The following ZNF195 variants were observed in gnomAD, a reference collection of about 807,000 sequenced individuals.
The protein encoded by ZNF195 is hypoxia-regulated factor-1.
In ZNF195, 11 loss-of-function variants were observed where a neutral mutation model predicts 19.5. The ratio of observed to expected loss-of-function variants is 0.57; its 90% confidence interval spans 0.36 to 0.94. ZNF195 has a LOEUF of 0.94. Among genes scored for constraint, ZNF195 ranks in the 40% least tolerant of loss-of-function variants. The pLI, the probability that ZNF195 is intolerant of heterozygous loss-of-function variation, is 0.01. For synonymous variants in ZNF195, 214 were observed against 248.1 expected (o/e 0.86, Z 1.29); for missense variants, 582 against 709.0 (o/e 0.82, Z 2.03).
Position 3,358,399 on chromosome 11 carries a change from G to C in ZNF195, c.*719C>G, listed in dbSNP as rs1230411559. ...CAACCACAAAGAGCCTCTCTACCAA[G>C]ATTTTACTCACGCATCTTACATTTC... On this transcript the variant is annotated 3_prime_UTR_variant, in exon 6 of 6. Coordinates refer to ENST00000399602, the MANE Select transcript of ZNF195 (RefSeq NM_001130520.3). 3 of 152,142 alleles carry C rather than the reference G, an allele frequency of 2.0e-5. No homozygotes were observed. Among genetic ancestry groups the C allele is most frequent in the Non-Finnish European group, 4.4e-5 (3 of 68,030 alleles). The allele number at this position is 152,142 out of a possible 1,614,324, so 9.4% of individuals were successfully genotyped here.
chr11:3,362,475 G>A (rs1848680753), intron 3 of ZNF195: 1 of 416,368 alleles, frequency 2.4e-6, no homozygotes, highest in Non-Finnish European at 4.4e-6. Context: ...CAGTAACAAA[G>A]TTGAGGGCAG....
intron 4 of ZNF195, among the ~76,000 whole-genome samples, chr11:3,361,047 C>T (rs911564956): frequency 6.6e-6 from 1 of 152,092 alleles, no homozygotes; most frequent in Non-Finnish European, 1.5e-5. Context: ...CTGCTGAGAC[C>T]GAAAGGAAAT....
chr11:3,360,130 A>C lies in ZNF195; in HGVS notation c.878T>G (p.Ile293Ser), dbSNP rs1373335357. The C allele has an allele frequency of 1.9e-6, 3 of 1,613,956 alleles. No individual in the cohort carries two copies. The African/African-American group carries it at 4.0e-5, about 22-fold the overall frequency. Residue 293 changes from isoleucine (I) to serine (S), a missense_variant, in exon 6 of 6, where the codon ATT becomes AGT. Coordinates refer to ENST00000399602, the MANE Select transcript of ZNF195 (RefSeq NM_001130520.3). ...CTTGTAAGGTTTCTCTCCAGTGTCA[A>C]TGTTCTCAGGTTCAGTAAAGTGTGA... ...QCSHFTEPEN[I>S]DTGEKPYKCQ...
intron 3 of ZNF195, chr11:3,362,542 A>G: frequency 1.7e-6 from 1 of 583,126 alleles, no homozygotes; most frequent in Admixed American, 2.8e-5. Flanking sequence ...CCAGTGTAAA[A>G]TACCTTGTTG....
chr11:3,371,730 A>G, intron 1 of ZNF195, 27 bp from the exon 2 acceptor site: 1 of 1,573,952 alleles, frequency 6.4e-7, no homozygotes, highest in Non-Finnish European at 8.6e-7. Context: ...AACAATAACA[A>G]ATACTTGATT....
intron 4 of ZNF195, 74 bp from the exon 5 acceptor site, chr11:3,360,862 A>T: frequency 7.5e-7 from 1 of 1,337,322 alleles, no homozygotes; most frequent in Non-Finnish European, 1.0e-6. Context: ...GCAGTATAGC[A>T]TCATGCCTTT....
chr11:3,371,134 G>A (rs79807062), intron 2 of ZNF195, 64 bp from the exon 3 acceptor site: 91,565 of 1,442,512 alleles, frequency 0.063, 3,062 homozygotes, highest in South Asian at 0.092. Flanking sequence ...ACCTTGTACT[G>A]TGCTTAGTAG....
intron 2 of ZNF195, 30 bp from the exon 3 acceptor site, chr11:3,371,100 C>G: frequency 1.2e-6 from 2 of 1,604,452 alleles, no homozygotes; most frequent in Non-Finnish European, 1.7e-6. Flanking sequence ...TGACATTACT[C>G]TTGCTGAAAT....
At chr11:3,366,832 A>T (rs1226319351) in intron 3 of ZNF195, 1 of 415,714 alleles carries the variant, frequency 2.4e-6, no homozygotes, top group Non-Finnish European at 4.9e-6. Context: ...CGGGAGACCG[A>T]GGCGGGTGGA....
chr11:3,373,471 A>G, intron 1 of ZNF195: 1 of 883,798 alleles, frequency 1.1e-6, no homozygotes, highest in Non-Finnish European at 1.8e-6. Flanking sequence ...AAACAAACTT[A>G]CTATGGAGAA....
At chr11:3,377,792 C>T (rs1030562244) in intron 1 of ZNF195, 2 of 1,000,598 alleles carry the variant, frequency 2.0e-6, no homozygotes, top group Admixed American at 1.1e-4. Context: ...TATCCCTGGA[C>T]AATACTGAAA....
intron 1 of ZNF195, chr11:3,377,838 T>C: frequency 1.0e-6 from 1 of 988,578 alleles, no homozygotes. Flanking sequence ...TGAGAGCAAA[T>C]CACCCTGTCA....
At chr11:3,369,699 G>A (rs1849093789) in intron 3 of ZNF195, among the ~76,000 whole-genome samples, 1 of 152,220 alleles carries the variant, frequency 6.6e-6, no homozygotes, top group Non-Finnish European at 1.5e-5. Flanking sequence ...ACTCACAGGA[G>A]CAGAGGACAA....
At chr11:3,362,591 C>A in intron 3 of ZNF195, 2 of 591,630 alleles carry the variant, frequency 3.4e-6, no homozygotes, top group South Asian at 4.1e-5. Flanking sequence ...ATGGTAACCA[C>A]AAAGAAAATA....
At chr11:3,373,617 G>A in intron 1 of ZNF195, 17 of 1,550,436 alleles carry the variant, frequency 1.1e-5, no homozygotes, top group Non-Finnish European at 1.5e-5. Context: ...CTGCTTCTCT[G>A]GGATTTCCTC....
At chr11:3,362,501 AT>A in intron 3 of ZNF195, 1 of 452,444 alleles carries the variant, frequency 2.2e-6, no homozygotes, top group Non-Finnish European at 4.0e-6. Context: ...ATAAGAAAGA[AT>A]TTTTGTATAC....
chr11:3,360,464 T>A lies in ZNF195; in HGVS notation c.544A>T (p.Asn182Tyr), dbSNP rs1564913318. The change falls in exon 6 of 6, where the codon AAT becomes TAT. Residue 182 changes from asparagine (N) to tyrosine (Y), a missense_variant. Physicochemically the swap from Asn to Tyr is moderately radical, Grantham distance 143. Transcript: ENST00000399602. ...TCCCAGTCTTTCCTTAAATATAAAT[T>A]ATCAAGGCCACAATTTCCATATCCT... ...LRGYGNCGLDNLYLRKDWESL... is the reference protein window; with the variant it reads ...LRGYGNCGLDYLYLRKDWESL... 2 of 1,611,554 alleles carry A rather than the reference T, an allele frequency of 1.2e-6. No homozygotes were observed. The highest frequency in any genetic ancestry group is 1.7e-6 in the Non-Finnish European group (2 of 1,179,814).
At chr11:3,376,604 G>C (rs7106076) in intron 1 of ZNF195, among the ~76,000 whole-genome samples, 111,325 of 152,192 alleles carry the variant, frequency 0.73, 41,281 homozygotes, top group Middle Eastern at 0.79. Flanking sequence ...CAAAATCACT[G>C]AAACAGTTTA....
chr11:3,369,387 T>C (rs192907126), intron 3 of ZNF195: 7 of 382,340 alleles, frequency 1.8e-5, no homozygotes, highest in Non-Finnish European at 3.2e-5. Context: ...CTTCTGTGTA[T>C]ATAATAACTG....
Sources: gnomAD v4.1 joint callset for allele counts (sites outside exome capture counted in the v4.1 genomes callset) on GRCh38, gnomAD v4.1.1 for gene constraint, MANE v1.5 for transcripts, NCBI Gene and HGNC (gene_info 2026-07-23, HGNC 2026-07-21) for gene names.